The following WWOX variants were observed in gnomAD, a reference collection of about 807,000 sequenced individuals.
WWOX encodes the protein WW domain containing oxidoreductase, also known as WW domain-containing oxidoreductase.
Under a neutral mutation model 46.2 loss-of-function variants are expected in WWOX, and 69 were observed. The observed-to-expected ratio is 1.49, with a 90% CI of 1.23 to 1.82. The LOEUF is 1.82. Among genes scored for constraint, WWOX ranks in the 40% most tolerant of loss-of-function variants. The probability of loss-of-function intolerance (pLI) is 0.00; values close to 1 mark genes in which losing one functional copy is unlikely to be tolerated. For synonymous variants in WWOX, 359 were observed against 202.6 expected, an observed-to-expected ratio of 1.77 and a Z score of -6.56; for missense variants, 919 against 542.6, an observed-to-expected ratio of 1.69 and a Z score of -6.89.
At chr16:78,433,410 G>T (rs2083267218) in intron 8 of WWOX, among the ~76,000 whole-genome samples, 1 of 152,150 alleles carries the variant, frequency 6.6e-6, no homozygotes, top group Admixed American at 6.5e-5. Context: ...TCTATGAAAT[G>T]GTTTTAGTAG....
At chr16:78,738,385 A>G (rs2049137966) in intron 8 of WWOX, among the ~76,000 whole-genome samples, 1 of 152,176 alleles carries the variant, frequency 6.6e-6, no homozygotes, top group Non-Finnish European at 1.5e-5. Context: ...GTGCCATTTG[A>G]AGATTCTCCC....
chr16:78,358,810 C>T (rs11648130), intron 5 of WWOX, among the ~76,000 whole-genome samples: 78,166 of 150,014 alleles, frequency 0.52, 21,898 homozygotes, highest in Non-Finnish European at 0.64. Context: ...TTGTGTAGCT[C>T]TTTCTGACTT....
intron 8 of WWOX, among the ~76,000 whole-genome samples, chr16:78,514,203 G>C (rs909190527): frequency 3.9e-5 from 6 of 152,102 alleles, no homozygotes; most frequent in Non-Finnish European, 7.4e-5. Flanking sequence ...CTATGTTATA[G>C]AACATTCTAA....
At chr16:79,005,537 G>C (rs950544415) in intron 8 of WWOX, among the ~76,000 whole-genome samples, 2 of 152,138 alleles carry the variant, frequency 1.3e-5, no homozygotes, top group African/African-American at 2.4e-5. Flanking sequence ...CGTCCTCTTT[G>C]CCTCTTCCCG....
chr16:78,603,588 G>A (rs1218136917), intron 8 of WWOX, among the ~76,000 whole-genome samples: 1 of 152,126 alleles, frequency 6.6e-6, no homozygotes, highest in African/African-American at 2.4e-5. Flanking sequence ...CAGCTACTCA[G>A]GAGACTGAGG....
At chr16:78,606,680 G>C (rs191808649) in intron 8 of WWOX, among the ~76,000 whole-genome samples, 10 of 148,336 alleles carry the variant, frequency 6.7e-5, no homozygotes, top group Non-Finnish European at 1.2e-4. Context: ...AAGCCAGCCC[G>C]ATTAGGACGA....
intron 5 of WWOX, among the ~76,000 whole-genome samples, chr16:78,312,765 A>G (rs1244803609): frequency 6.6e-6 from 1 of 152,156 alleles, no homozygotes; most frequent in Non-Finnish European, 1.5e-5. Flanking sequence ...CTTTATGGAC[A>G]ATGTGCTTAG....
At chr16:78,632,557 A>AT (rs545062752) in intron 8 of WWOX, among the ~76,000 whole-genome samples, 843 of 74,736 alleles carry the variant, frequency 0.011, 34 homozygotes, top group Admixed American at 0.051. Context: ...TACTTGGCCA[A>AT]TTTTTTTTTT....
intron 6 of WWOX, among the ~76,000 whole-genome samples, chr16:78,407,331 T>A (rs2151947524): frequency 1.3e-5 from 2 of 152,286 alleles, no homozygotes; most frequent in Middle Eastern, 6.8e-3. Flanking sequence ...GGTGTGACAT[T>A]CTGCTTCCAG....
intron 8 of WWOX, among the ~76,000 whole-genome samples, chr16:78,881,912 C>T (rs548687849): frequency 2.0e-5 from 3 of 152,244 alleles, no homozygotes; most frequent in South Asian, 2.1e-4. Flanking sequence ...CACTTGAGGT[C>T]AGGAGTTTGA....
chr16:78,404,567 T>C (rs1366694006), intron 6 of WWOX, among the ~76,000 whole-genome samples: 2 of 152,178 alleles, frequency 1.3e-5, no homozygotes, highest in South Asian at 2.1e-4. Context: ...AATTCTACTT[T>C]GGCCTATCAA....
At chr16:78,532,621 T>C (rs1185344384) in intron 8 of WWOX, among the ~76,000 whole-genome samples, 1 of 152,042 alleles carries the variant, frequency 6.6e-6, no homozygotes, top group African/African-American at 2.4e-5. Flanking sequence ...AAGAAAAAGG[T>C]TTATTGGACT....
chr16:78,582,658 C>T (rs891487882), intron 8 of WWOX, among the ~76,000 whole-genome samples: 1 of 152,158 alleles, frequency 6.6e-6, no homozygotes, highest in Admixed American at 6.5e-5. Flanking sequence ...CCTCTATCTC[C>T]GCTTAGTCAT....
chr16:78,266,634 C>T (rs2079368000), intron 5 of WWOX, among the ~76,000 whole-genome samples: 1 of 152,060 alleles, frequency 6.6e-6, no homozygotes, highest in African/African-American at 2.4e-5. Flanking sequence ...TTTTATTTTT[C>T]TCAACCTCAG....
intron 8 of WWOX, chr16:78,525,413 C>T (rs985013675): frequency 1.3e-5 from 2 of 151,882 alleles, no homozygotes; most frequent in African/African-American, 2.4e-5. Context: ...TCTCGATCTC[C>T]TGACCTCGTG....
At chr16:78,335,434 A>AT (rs1393038143) in intron 5 of WWOX, among the ~76,000 whole-genome samples, 8 of 152,132 alleles carry the variant, frequency 5.3e-5, no homozygotes, top group African/African-American at 1.7e-4. Flanking sequence ...AGCTCCATCC[A>AT]TGTCCCTGCA....
At chr16:78,222,778 G>A (rs1445190899) in intron 5 of WWOX, among the ~76,000 whole-genome samples, 1 of 152,236 alleles carries the variant, frequency 6.6e-6, no homozygotes, top group Non-Finnish European at 1.5e-5. Context: ...CATGACAAAT[G>A]TAGTGACATC....
intron 8 of WWOX, among the ~76,000 whole-genome samples, chr16:79,022,303 G>A (rs1434164584): frequency 7.1e-6 from 1 of 140,858 alleles, no homozygotes; most frequent in African/African-American, 2.7e-5. Context: ...CCTGTGTGGG[G>A]ACAGATTTTG....
chr16:79,178,857 T>C (rs2050854410), intron 8 of WWOX, among the ~76,000 whole-genome samples: 1 of 152,370 alleles, frequency 6.6e-6, no homozygotes, highest in Admixed American at 6.5e-5. Context: ...TTAATATATC[T>C]TGAAGTACTT....
Sources: allele counts gnomAD v4.1 joint callset (sites outside exome capture counted in the v4.1 genomes callset), GRCh38; gene constraint gnomAD v4.1.1; transcripts MANE v1.5; gene names NCBI Gene and HGNC (gene_info 2026-07-23, HGNC 2026-07-21).